Variants in MAPK8 observed in about 807,000 individuals in gnomAD.
MAPK8 encodes mitogen-activated protein kinase 8, also known as JUN N-terminal kinase.
A neutral mutation model predicts 52.9 loss-of-function variants in MAPK8; 13 were observed. That is an observed-to-expected ratio of 0.25 (90% CI 0.16 to 0.39). The LOEUF is 0.39. Among genes scored for constraint, MAPK8 ranks in the 10% least tolerant of loss-of-function variants. The pLI is 1.00. For missense variants in MAPK8, 300 were observed against 519.2 expected, an observed-to-expected ratio of 0.58 and a Z score of 4.10; for synonymous variants, 191 against 169.8, an observed-to-expected ratio of 1.12 and a Z score of -0.97.
At chr10:48,405,872 TA>T (rs1354988781) in intron 3 of MAPK8, among the ~76,000 whole-genome samples, 1 of 115,974 alleles carries the variant, frequency 8.6e-6, no homozygotes, top group East Asian at 2.6e-4. Context: ...GTATTGGAGT[TA>T]CTGGGTTCAT....
intron 1 of MAPK8, among the ~76,000 whole-genome samples, chr10:48,350,748 T>G (rs1344581164): frequency 6.6e-6 from 1 of 152,192 alleles, no homozygotes; most frequent in Non-Finnish European, 1.5e-5. Flanking sequence ...TTCAATATAG[T>G]ATTGGAAGTT....
At position 48,435,035 on chromosome 10, in the gene MAPK8, T is replaced by C. The variant is rs1421728395; in HGVS notation, c.*6T>C. On this transcript the variant is annotated 3_prime_UTR_variant, in exon 12 of 12. Transcript: ENST00000374189. Reference sequence around the variant, plus strand: ...CTCTGGGCTGCTGTAGATGACTACTTGGGCCATCGGGGGGTGGGAGGGATG... The same window carrying C: ...CTCTGGGCTGCTGTAGATGACTACTCGGGCCATCGGGGGGTGGGAGGGATG... The C allele has an allele frequency of 1.1e-5, 5 of 461,554 alleles. No individual in the cohort carries two copies. The highest frequency in any genetic ancestry group is 1.9e-5 in the Non-Finnish European group (5 of 268,214). The allele number at this position is 461,554 out of a possible 1,614,324, so 28.6% of individuals were successfully genotyped here.
intron 5 of MAPK8, among the ~76,000 whole-genome samples, chr10:48,418,450 G>A (rs547415197): frequency 2.3e-4 from 35 of 150,582 alleles, no homozygotes; most frequent in Non-Finnish European, 3.4e-4. Flanking sequence ...TGGACTGTGC[G>A]TTTACATAGA....
intron 1 of MAPK8, among the ~76,000 whole-genome samples, chr10:48,346,531 C>T (rs1416217213): frequency 6.6e-6 from 1 of 152,228 alleles, no homozygotes; most frequent in Non-Finnish European, 1.5e-5. Flanking sequence ...ACACCCGCTC[C>T]TTAGCAGACT....
At chr10:48,416,467 C>G (rs2043069771) in intron 5 of MAPK8, among the ~76,000 whole-genome samples, 2 of 152,186 alleles carry the variant, frequency 1.3e-5, no homozygotes, top group African/African-American at 4.8e-5. Context: ...GCAAACATTC[C>G]TTTGCTCCCT....
intron 1 of MAPK8, among the ~76,000 whole-genome samples, chr10:48,307,663 T>C (rs550177319): frequency 6.6e-6 from 1 of 152,366 alleles, no homozygotes; most frequent in Non-Finnish European, 1.5e-5. Flanking sequence ...TAATAACATG[T>C]TGACTACATG....
Position 48,401,777 on chromosome 10 carries a change from A to G in MAPK8, c.117A>G (p.Ile39Met). The change falls in exon 2 of 12, where the codon ATA becomes ATG. Residue 39 changes from isoleucine to methionine, a missense_variant. Around this residue, in one of 3 missense-constraint regions of MAPK8, gnomAD observed 147 missense variants for 328.1 expected, o/e 0.45. Coordinates refer to ENST00000374189, the MANE Select transcript of MAPK8 (RefSeq NM_001323329.2). ...CTATAGGCTCAGGAGCTCAAGGAATAGTATGGTAAGTGTTTACTTCCAAAA... is the reference window on the plus strand; with the variant it reads ...CTATAGGCTCAGGAGCTCAAGGAATGGTATGGTAAGTGTTTACTTCCAAAA... ...LKPIGSGAQG[I>M]VCAAYDAILE... The G allele has an allele frequency of 6.8e-7, 1 of 1,471,162 alleles. No individual in the cohort carries two copies. Among genetic ancestry groups the G allele is most frequent in the Non-Finnish European group, 9.0e-7 (1 of 1,112,364 alleles). The allele number at this position is 1,471,162 out of a possible 1,614,324, so 91.1% of individuals were successfully genotyped here.
At chr10:48,369,685 A>G (rs1007294777) in intron 1 of MAPK8, among the ~76,000 whole-genome samples, 4 of 152,226 alleles carry the variant, frequency 2.6e-5, no homozygotes, top group African/African-American at 9.6e-5. Flanking sequence ...GGGCTAGCAG[A>G]GGGGGGAAAA....
intron 10 of MAPK8, among the ~76,000 whole-genome samples, chr10:48,429,480 G>A (rs1042240960): frequency 6.6e-5 from 10 of 152,118 alleles, no homozygotes; most frequent in South Asian, 2.1e-4. Context: ...GAGTTTTAGC[G>A]CATAGCAGAA....
At chr10:48,321,961 G>GGT (rs1258064683) in intron 1 of MAPK8, among the ~76,000 whole-genome samples, 1 of 152,162 alleles carries the variant, frequency 6.6e-6, no homozygotes, top group East Asian at 1.9e-4. Flanking sequence ...TACACACAGA[G>GGT]GTGTGTGTGT....
chr10:48,410,765 C>T (rs1441311090), intron 5 of MAPK8, among the ~76,000 whole-genome samples: 2 of 152,190 alleles, frequency 1.3e-5, no homozygotes, highest in East Asian at 1.9e-4. Context: ...ATGCGGGTTC[C>T]AGTTTCTTCA....
At chr10:48,352,312 CA>C (rs1305536837) in intron 1 of MAPK8, among the ~76,000 whole-genome samples, 295 of 135,934 alleles carry the variant, frequency 2.2e-3, no homozygotes, top group African/African-American at 5.3e-3. Flanking sequence ...AAGACAATAC[CA>C]AAAAAAAAAA....
intron 1 of MAPK8, 106 bp from the exon 2 acceptor site, chr10:48,401,506 T>G: frequency 1.6e-6 from 1 of 616,444 alleles, no homozygotes; most frequent in Non-Finnish European, 2.7e-6. Flanking sequence ...GCTCTTTTCA[T>G]GATCTAGCAG....
chr10:48,310,528 C>T (rs1474151325), intron 1 of MAPK8, among the ~76,000 whole-genome samples: 8 of 152,070 alleles, frequency 5.3e-5, no homozygotes, highest in African/African-American at 7.2e-5. Flanking sequence ...CTAATGAGAC[C>T]GTATGCTCCC....
rs1269974748 is a variant in MAPK8, at chr10:48,421,997, TTTATTTATC to T, written c.616+1686_616+1694del. ...CCTTTTAATGACACCTCACACTCATTTTATTTATCTTATTTATTTATTTATTTATTTATT... is the reference window on the plus strand; with the variant it reads ...CCTTTTAATGACACCTCACACTCATTTTATTTATTTATTTATTTATTTATT... On this transcript the variant is annotated intron_variant, in intron 6 of 11. Transcript: ENST00000374189. Among the ~76,000 whole-genome samples the T allele has an allele frequency of 1.9e-3, 262 of 136,026 alleles. 1 individual carries two copies. Among genetic ancestry groups the T allele is most frequent in the African/African-American group, 6.9e-3 (251 of 36,500 alleles). The allele number at this position is 136,026 out of a possible 152,430, so 89.2% of individuals were successfully genotyped here. A position where few individuals can be genotyped will look rare whatever the true frequency, so the allele number is the denominator to read the frequency against.
At chr10:48,345,821 C>T (rs996716167) in intron 1 of MAPK8, among the ~76,000 whole-genome samples, 1 of 152,088 alleles carries the variant, frequency 6.6e-6, no homozygotes, top group African/African-American at 2.4e-5. Context: ...TGGGCACAGA[C>T]AAAAGCCCCA....
chr10:48,360,435 G>A (rs1338424731), intron 1 of MAPK8, among the ~76,000 whole-genome samples: 4 of 152,122 alleles, frequency 2.6e-5, no homozygotes, highest in Non-Finnish European at 4.4e-5. Flanking sequence ...AGATTAACTC[G>A]TAGATACCCT....
At chr10:48,320,466 G>A in intron 1 of MAPK8, among the ~76,000 whole-genome samples, 1 of 151,748 alleles carries the variant, frequency 6.6e-6, no homozygotes, top group East Asian at 1.9e-4. Flanking sequence ...TGAACTCCTG[G>A]CCTCAAGTTA....
chr10:48,334,378 A>G (rs1844463142), intron 1 of MAPK8, among the ~76,000 whole-genome samples: 1 of 152,114 alleles, frequency 6.6e-6, no homozygotes, highest in Admixed American at 6.5e-5. Context: ...TCCCTCGCAG[A>G]ACGGAACTGC....
Sources: allele counts gnomAD v4.1 joint callset (sites outside exome capture counted in the v4.1 genomes callset), GRCh38; gene constraint gnomAD v4.1.1; regional missense constraint gnomAD v4.1.1; transcripts MANE v1.5; gene names NCBI Gene and HGNC (gene_info 2026-07-23, HGNC 2026-07-21).